Variants in APBB1IP observed in about 807,000 individuals in gnomAD.
The protein encoded by APBB1IP is amyloid beta A4 precursor protein-binding family B member 1-interacting protein.
Under a neutral mutation model 64.9 loss-of-function variants are expected in APBB1IP, and 27 were observed. That is an observed-to-expected ratio of 0.42 (90% CI 0.31 to 0.57). The LOEUF is 0.57. APBB1IP is among the 20% of genes least tolerant of loss of function. The pLI is 0.20. For missense variants in APBB1IP, 812 were observed against 845.5 expected (o/e 0.96, Z 0.49); for synonymous variants, 392 against 331.0 (o/e 1.18, Z -2.00).
chr10:26,491,894 T>C (rs766281520), intron 2 of APBB1IP, among the ~76,000 whole-genome samples: 1 of 151,820 alleles, frequency 6.6e-6, no homozygotes, highest in Non-Finnish European at 1.5e-5. Flanking sequence ...CCCGAGTAGC[T>C]GGGACTACAG....
In APBB1IP at chr10:26,482,104, A is replaced by G. The variant is rs983730652; in HGVS notation, c.1-10223A>G. ...GAATTTTGTTTGTGACTCACTGCATATTAGTCTGAATTGATCATATGACCA... is the reference window on the plus strand; with the variant it reads ...GAATTTTGTTTGTGACTCACTGCATGTTAGTCTGAATTGATCATATGACCA... On this transcript the variant is annotated intron_variant, in intron 2 of 14. Coordinates refer to ENST00000376236, the MANE Select transcript of APBB1IP (RefSeq NM_019043.4). Among the ~76,000 whole-genome samples, 11 of 152,268 alleles carry G rather than the reference A, an allele frequency of 7.2e-5. 4 individuals carry two copies. Among genetic ancestry groups the G allele is most frequent in the Admixed American group, 7.2e-4 (11 of 15,280 alleles).
intron 8 of APBB1IP, among the ~76,000 whole-genome samples, chr10:26,526,839 T>C (rs1836481774): frequency 6.6e-6 from 1 of 152,198 alleles, no homozygotes; most frequent in Non-Finnish European, 1.5e-5. Context: ...ATAATCACTA[T>C]TGATATTTTA....
intron 8 of APBB1IP, among the ~76,000 whole-genome samples, chr10:26,531,642 G>A (rs893428930): frequency 2.6e-5 from 4 of 151,684 alleles, no homozygotes; most frequent in Non-Finnish European, 4.4e-5. Flanking sequence ...ACTCCAGCCT[G>A]GGTGACAGAG....
intron 3 of APBB1IP, among the ~76,000 whole-genome samples, chr10:26,495,630 T>C (rs1836011873): frequency 1.4e-5 from 2 of 146,860 alleles, no homozygotes; most frequent in South Asian, 2.1e-4. Context: ...AAAAAAAGAA[T>C]AGGAAAGAGG....
chr10:26,470,805 A>G (rs954354647), intron 2 of APBB1IP, among the ~76,000 whole-genome samples: 9 of 151,970 alleles, frequency 5.9e-5, no homozygotes, highest in African/African-American at 1.7e-4. Context: ...AGAGTCACCA[A>G]CCTCAGCCTG....
chr10:26,537,205 G>T (rs940767498), intron 10 of APBB1IP, among the ~76,000 whole-genome samples: 40 of 151,986 alleles, frequency 2.6e-4, no homozygotes, highest in African/African-American at 9.4e-4. Flanking sequence ...TCTGTATCTT[G>T]GGTACGCGGA....
At chr10:26,558,553 G>T (rs1297794785) in intron 11 of APBB1IP, among the ~76,000 whole-genome samples, 1 of 151,778 alleles carries the variant, frequency 6.6e-6, no homozygotes, top group Non-Finnish European at 1.5e-5. Flanking sequence ...GGCTAAGGTG[G>T]GAGGATCACT....
chr10:26,501,073 C>T lies in APBB1IP; in HGVS notation c.415C>T (p.Leu139Phe), dbSNP rs754404667. 4 of 1,614,182 alleles carry T rather than the reference C, an allele frequency of 2.5e-6. No individual in the cohort carries two copies. The highest frequency in any genetic ancestry group is 4.5e-5 in the East Asian group (2 of 44,882). The change falls in exon 5 of 15, where the codon CTT becomes TTT. Residue 139 changes from leucine to phenylalanine, a missense_variant. By Grantham distance (22) the Leu-to-Phe change is conservative (BLOSUM62 0). Coordinates refer to ENST00000376236, the MANE Select transcript of APBB1IP (RefSeq NM_019043.4). ...PPPPADPVLD[L>F]PLPPPPPEPL... The stretch of plus-strand genomic sequence containing the variant: ...TCCACCAGCCGATCCTGTGTTAGAC[C>T]TTCCACTGCCACCACCACCTCCTGA...
At chr10:26,516,608 C>T (rs953318093) in intron 8 of APBB1IP, among the ~76,000 whole-genome samples, 5 of 139,024 alleles carry the variant, frequency 3.6e-5, no homozygotes, top group Non-Finnish European at 7.6e-5. Flanking sequence ...GGTGTGGTAA[C>T]GCACACATTG....
intron 10 of APBB1IP, among the ~76,000 whole-genome samples, chr10:26,540,032 G>A (rs1332287341): frequency 1.3e-5 from 2 of 152,160 alleles, no homozygotes; most frequent in East Asian, 3.8e-4. Context: ...CAAAATCTAT[G>A]TACATGTAAC....
intron 2 of APBB1IP, among the ~76,000 whole-genome samples, chr10:26,450,433 T>G (rs997756657): frequency 6.6e-6 from 1 of 152,244 alleles, no homozygotes; most frequent in African/African-American, 2.4e-5. Flanking sequence ...GAAATAAGCC[T>G]TTGTTATCCA....
chr10:26,545,039 T>G (rs930172589), intron 11 of APBB1IP, among the ~76,000 whole-genome samples: 1 of 152,216 alleles, frequency 6.6e-6, no homozygotes, highest in African/African-American at 2.4e-5. Context: ...TGTTCTGTTC[T>G]AAAGCCAATT....
chr10:26,485,243 G>A (rs575857530), intron 2 of APBB1IP, among the ~76,000 whole-genome samples: 4 of 152,186 alleles, frequency 2.6e-5, no homozygotes, highest in Non-Finnish European at 4.4e-5. Context: ...GAAACAGACT[G>A]TTTAACGGCT....
intron 8 of APBB1IP, among the ~76,000 whole-genome samples, chr10:26,522,521 A>G (rs1000223343): frequency 6.6e-6 from 1 of 151,778 alleles, no homozygotes; most frequent in Non-Finnish European, 1.5e-5. Context: ...GATTTATCCT[A>G]TTGTAATATA....
intron 7 of APBB1IP, among the ~76,000 whole-genome samples, 195 bp from the exon 8 acceptor site, chr10:26,513,344 T>C (rs975430131): frequency 6.6e-6 from 1 of 152,174 alleles, no homozygotes; most frequent in African/African-American, 2.4e-5. Flanking sequence ...ATCTTGTTTA[T>C]AATGGAAGAT....
rs1050957556 is a variant in APBB1IP at position 26,560,958 on chromosome 10, T to C, written c.1369+114T>C. 4.1e-4 allele frequency: 272 copies of C among 662,306 alleles called. 1 individual carries two copies. Among genetic ancestry groups the C allele is most frequent in the Non-Finnish European group, 5.6e-4 (243 of 434,572 alleles). The allele number at this position is 662,306 out of a possible 1,614,324, so 41.0% of individuals were successfully genotyped here. On this transcript the variant is annotated intron_variant, in intron 13 of 14. Transcript: ENST00000376236. ...TTGTACACAGCATTCAGAATATGTT[T>C]CTCACCTGATGATCAGGCTCAAACT...
chr10:26,483,816 A>G (rs1239713287), intron 2 of APBB1IP, among the ~76,000 whole-genome samples: 2 of 152,140 alleles, frequency 1.3e-5, no homozygotes, highest in Non-Finnish European at 2.9e-5. Flanking sequence ...GGGCTCAAAG[A>G]ATCTTCCTGC....
chr10:26,471,005 C>T (rs1835709562), intron 2 of APBB1IP, among the ~76,000 whole-genome samples: 1 of 152,160 alleles, frequency 6.6e-6, no homozygotes, highest in Non-Finnish European at 1.5e-5. Context: ...GCCAGAGCCT[C>T]CTGTAAGCAC....
intron 8 of APBB1IP, among the ~76,000 whole-genome samples, chr10:26,519,095 T>G (rs2132451537): frequency 7.9e-6 from 1 of 126,926 alleles, no homozygotes; most frequent in African/African-American, 3.0e-5. Flanking sequence ...GCCAACGTGA[T>G]GAAACCCTGT....
Sources: gnomAD v4.1 joint callset for allele counts (sites outside exome capture counted in the v4.1 genomes callset) on GRCh38, gnomAD v4.1.1 for gene constraint, MANE v1.5 for transcripts, NCBI Gene and HGNC (gene_info 2026-07-23, HGNC 2026-07-21) for gene names.